The following CRPPA variants were observed in gnomAD, a reference collection of about 807,000 sequenced individuals.
CRPPA encodes the protein D-ribitol-5-phosphate cytidylyltransferase.
A neutral mutation model predicts 52.0 loss-of-function variants in CRPPA; 43 were observed. The observed-to-expected ratio is 0.83, with a 90% CI of 0.65 to 1.07. The LOEUF is 1.07. Among genes scored for constraint, CRPPA ranks in the 50% least tolerant of loss-of-function variants. The pLI is 0.00. For synonymous variants in CRPPA, 250 were observed against 203.5 expected (o/e 1.23, Z -1.94); for missense variants, 629 against 551.7 (o/e 1.14, Z -1.40).
chr7:16,306,698 C>T (rs1784920791), intron 4 of CRPPA, among the ~76,000 whole-genome samples: 1 of 152,050 alleles, frequency 6.6e-6, no homozygotes, highest in South Asian at 2.1e-4. Flanking sequence ...GCCAGACAGC[C>T]AAAGGAGTTC....
intron 3 of CRPPA, among the ~76,000 whole-genome samples, chr7:16,309,283 T>TGGACACCTGAGGTATGAGA (rs1784984485): frequency 6.6e-6 from 1 of 152,180 alleles, no homozygotes; most frequent in East Asian, 1.9e-4. Context: ...GTACCTATCC[T>TGGACACCTGAGGTATGAGA]GTCTCCAAGT....
chr7:16,416,109 A>C (rs1484174775), intron 1 of CRPPA, among the ~76,000 whole-genome samples: 4 of 152,180 alleles, frequency 2.6e-5, no homozygotes, highest in Non-Finnish European at 4.4e-5. Context: ...GGGGCAAATA[A>C]AATGAATTTT....
At chr7:16,222,609 A>T (rs1196436553) in intron 8 of CRPPA, among the ~76,000 whole-genome samples, 1 of 152,144 alleles carries the variant, frequency 6.6e-6, no homozygotes, top group Non-Finnish European at 1.5e-5. Context: ...AATTAATAAT[A>T]CAAATAAAAT....
rs574395351 is a variant in CRPPA, at chr7:16,234,310, G to A, written c.1120-18113C>T. ...TTTAGAAATGAGAAATACTTCAAAG[G>A]TTAATACTACTGTTCAGGACACATA... is the stretch of plus-strand genomic sequence containing the variant. On this transcript the variant is annotated intron_variant, in intron 8 of 9. Transcript: ENST00000407010. 8.5e-5 allele frequency among the ~76,000 whole-genome samples: 13 copies of A among 152,072 alleles called. No individual in the cohort carries two copies. The South Asian group carries it at 2.5e-3, about 29-fold the overall frequency.
intron 5 of CRPPA, among the ~76,000 whole-genome samples, chr7:16,288,939 C>T (rs544786595): frequency 8.0e-5 from 12 of 149,172 alleles, no homozygotes; most frequent in African/African-American, 2.2e-4. Context: ...TGGTTGTAAA[C>T]CACCCAAAAA....
intron 2 of CRPPA, among the ~76,000 whole-genome samples, chr7:16,378,617 T>C (rs1786975545): frequency 6.6e-6 from 1 of 151,986 alleles, no homozygotes; most frequent in Admixed American, 6.5e-5. Context: ...GTCCTTTGGG[T>C]ATATACCCAG....
intron 6 of CRPPA, among the ~76,000 whole-genome samples, chr7:16,264,192 G>T (rs1322610082): frequency 1.3e-5 from 2 of 152,004 alleles, no homozygotes; most frequent in African/African-American, 4.8e-5. Flanking sequence ...ACGCTATTAG[G>T]TTGTTTATAT....
intron 6 of CRPPA, among the ~76,000 whole-genome samples, chr7:16,272,652 G>T (rs942563616): frequency 6.6e-6 from 1 of 152,160 alleles, no homozygotes; most frequent in African/African-American, 2.4e-5. Context: ...TATAAGGGAA[G>T]GGAAAAAGTA....
intron 8 of CRPPA, among the ~76,000 whole-genome samples, chr7:16,224,009 T>C (rs919475004): frequency 6.6e-6 from 1 of 152,198 alleles, no homozygotes; most frequent in Non-Finnish European, 1.5e-5. Context: ...AAGCCTATCC[T>C]TCTGCCCCCC....
At chr7:16,363,710 A>G (rs1052769826) in intron 3 of CRPPA, among the ~76,000 whole-genome samples, 35 of 152,190 alleles carry the variant, frequency 2.3e-4, no homozygotes, top group African/African-American at 8.2e-4. Context: ...CCATTACTGC[A>G]ACATGATACT....
At chr7:16,235,325 C>A (rs1782919603) in intron 8 of CRPPA, among the ~76,000 whole-genome samples, 1 of 152,016 alleles carries the variant, frequency 6.6e-6, no homozygotes, top group Non-Finnish European at 1.5e-5. Flanking sequence ...ATGAGTAATA[C>A]TTTAAATCGT....
chr7:16,238,018 T>C lies in CRPPA; in HGVS notation c.1119+20372A>G, dbSNP rs140128379. Among the ~76,000 whole-genome samples, 183 of 152,314 alleles carry C rather than the reference T, an allele frequency of 1.2e-3. 1 individual carries two copies. Among genetic ancestry groups the C allele is most frequent in the African/African-American group, 4.4e-3 (181 of 41,564 alleles). On this transcript the variant is annotated intron_variant, in intron 8 of 9. Coordinates refer to ENST00000407010, the MANE Select transcript of CRPPA (RefSeq NM_001101426.4). ...GCTAAATTTCTCAAACCTTAGATGG[T>C]AGATAGAAGGGAAAGGGACCAGGGA... is the stretch of plus-strand genomic sequence containing the variant.
chr7:16,320,086 G>T (rs570149864), intron 3 of CRPPA, among the ~76,000 whole-genome samples: 8 of 152,148 alleles, frequency 5.3e-5, no homozygotes, highest in African/African-American at 1.9e-4. Flanking sequence ...TTCTTCATTT[G>T]TCATTGTCAC....
intron 3 of CRPPA, among the ~76,000 whole-genome samples, chr7:16,342,782 A>AAAAAAAAAAAAAAAAT (rs1554335212): frequency 1.3e-5 from 1 of 76,540 alleles, no homozygotes; most frequent in African/African-American, 4.8e-5. Context: ...AAAAAAAAAA[A>AAAAAAAAAAAAAAAAT]ATATATATAT....
chr7:16,217,312 A>G (rs1357546033), intron 8 of CRPPA, among the ~76,000 whole-genome samples: 4 of 152,002 alleles, frequency 2.6e-5, no homozygotes, highest in Non-Finnish European at 5.9e-5. Flanking sequence ...ATCAAACACC[A>G]AAAGTAGATA....
intron 9 of CRPPA, among the ~76,000 whole-genome samples, chr7:16,158,373 T>G (rs1238813972): frequency 6.6e-6 from 1 of 152,142 alleles, no homozygotes; most frequent in East Asian, 1.9e-4. Flanking sequence ...AAACACAATA[T>G]GTAGCAGCAA....
At chr7:16,177,486 A>G (rs1229114480) in intron 9 of CRPPA, among the ~76,000 whole-genome samples, 1 of 152,102 alleles carries the variant, frequency 6.6e-6, no homozygotes, top group Admixed American at 6.6e-5. Context: ...GACTAGAGAT[A>G]TTCACCTGGG....
At chr7:16,389,298 A>G (rs1229031709) in intron 2 of CRPPA, among the ~76,000 whole-genome samples, 2 of 152,234 alleles carry the variant, frequency 1.3e-5, no homozygotes, top group African/African-American at 4.8e-5. Flanking sequence ...ACAAGAAAAG[A>G]AAGCCAATTA....
intron 3 of CRPPA, among the ~76,000 whole-genome samples, chr7:16,310,277 T>A (rs552546309): frequency 6.6e-6 from 1 of 152,072 alleles, no homozygotes; most frequent in African/African-American, 2.4e-5. Context: ...AACAGCCTTC[T>A]GCCAAGGCAA....
Sources: allele counts gnomAD v4.1 joint callset (sites outside exome capture counted in the v4.1 genomes callset), GRCh38; gene constraint gnomAD v4.1.1; transcripts MANE v1.5; gene names NCBI Gene and HGNC (gene_info 2026-07-23, HGNC 2026-07-21).